SFXN4: variants seen among roughly 807,000 people sequenced by gnomAD.
The protein encoded by SFXN4 is sideroflexin-4.
SFXN4 carries 48 observed loss-of-function variants against 54.6 expected under a neutral mutation model. The ratio of observed to expected loss-of-function variants is 0.88; its 90% CI spans 0.70 to 1.12. The LOEUF (loss-of-function observed/expected upper bound fraction) is 1.12. Among genes scored for constraint, SFXN4 ranks in the 50% most tolerant of loss-of-function variants. The pLI is 0.00. For missense variants in SFXN4, 383 were observed against 409.2 expected, an observed-to-expected ratio of 0.94 and a Z score of 0.55; for synonymous variants, 130 against 145.5, an observed-to-expected ratio of 0.89 and a Z score of 0.77.
Position 119,141,286 on chromosome 10 carries a change from AC to A in SFXN4, c.969del (p.Gln323HisfsTer20), listed in dbSNP as rs749800221. On this transcript the variant is annotated frameshift_variant, in exon 14 of 14. Transcript: ENST00000355697. LOFTEE classifies it high-confidence loss of function. ...AAGATTTCTGTTTCTTCTGTTGGAGACTGAATTTTCTCTTCAAGACTACAGT... is the reference window on the plus strand; with the variant it reads ...AAGATTTCTGTTTCTTCTGTTGGAGATGAATTTTCTCTTCAAGACTACAGT... ...IQYCSLEEKI[Q>X]SPTEETEIFY... 2.5e-6 allele frequency: 4 copies of A among 1,611,404 alleles called. No individual in the cohort carries two copies. Among genetic ancestry groups the A allele is most frequent in the Non-Finnish European group, 3.4e-6 (4 of 1,177,652 alleles).
At chr10:119,163,483 C>T (rs1384588889) in intron 2 of SFXN4, among the ~76,000 whole-genome samples, 3 of 152,070 alleles carry the variant, frequency 2.0e-5, no homozygotes, top group African/African-American at 4.8e-5. Context: ...CTGCAACCTC[C>T]ACCTCCTGGG....
At chr10:119,163,268 T>A (rs1847629028) in intron 2 of SFXN4, among the ~76,000 whole-genome samples, 1 of 152,016 alleles carries the variant, frequency 6.6e-6, no homozygotes, top group Admixed American at 6.6e-5. Flanking sequence ...TTCACTCTTG[T>A]CACCCAGGAT....
chr10:119,151,743 T>G (rs1176406037), intron 11 of SFXN4, among the ~76,000 whole-genome samples: 1 of 152,082 alleles, frequency 6.6e-6, no homozygotes, highest in Non-Finnish European at 1.5e-5. Flanking sequence ...CTCAAACTCC[T>G]GACCTCAGGT....
At chr10:119,159,418 G>C (rs558286454) in intron 6 of SFXN4, among the ~76,000 whole-genome samples, 2 of 152,336 alleles carry the variant, frequency 1.3e-5, no homozygotes, top group South Asian at 4.1e-4. Flanking sequence ...TGTGCAGGGA[G>C]CTCATCCTAA....
intron 10 of SFXN4, among the ~76,000 whole-genome samples, chr10:119,155,457 C>T (rs1237999750): frequency 3.3e-5 from 5 of 152,132 alleles, no homozygotes; most frequent in African/African-American, 1.2e-4. Flanking sequence ...TAGGAGAAAC[C>T]CTGGGATCTT....
intron 13 of SFXN4, among the ~76,000 whole-genome samples, chr10:119,142,748 T>TTTA (rs1846595452): frequency 8.8e-6 from 1 of 113,328 alleles, no homozygotes; most frequent in Non-Finnish European, 1.8e-5. Context: ...TTTTTTTTTT[T>TTTA]TGATATGGAG....
chr10:119,144,382 G>A (rs1050149491), intron 13 of SFXN4, among the ~76,000 whole-genome samples: 2 of 152,040 alleles, frequency 1.3e-5, no homozygotes, highest in Admixed American at 6.6e-5. Context: ...GCATGAACCC[G>A]AGAGGTGGAG....
intron 5 of SFXN4, among the ~76,000 whole-genome samples, chr10:119,160,481 A>G (rs1198675796): frequency 6.8e-6 from 1 of 146,614 alleles, no homozygotes; most frequent in Admixed American, 7.0e-5. Flanking sequence ...GTGCCACTGA[A>G]CTCCAGCCTA....
rs190686817 is a variant in SFXN4 at position 119,143,865 on chromosome 10, G to A, written c.936+2371C>T. Among the ~76,000 whole-genome samples, 699 of 152,150 alleles carry A rather than the reference G, an allele frequency of 4.6e-3. 5 individuals carry two copies. Among genetic ancestry groups the A allele is most frequent in the Middle Eastern group, 0.01 (3 of 294 alleles). On this transcript the variant is annotated intron_variant, in intron 13 of 13. Coordinates refer to ENST00000355697, the MANE Select transcript of SFXN4 (RefSeq NM_213649.2). The stretch of plus-strand genomic sequence containing the variant: ...TCCTGGCCTCAAGCAATCTTCCCAC[G>A]TTGGTCTCCCAAAGTGTTGGAATTA...
At chr10:119,164,243 T>C in intron 1 of SFXN4, 47 bp from the exon 2 acceptor site, 1 of 1,074,280 alleles carries the variant, frequency 9.3e-7, no homozygotes, top group Non-Finnish European at 1.4e-6. Context: ...AGCAGAAAAA[T>C]AAAGATATAA....
intron 10 of SFXN4, among the ~76,000 whole-genome samples, chr10:119,155,408 G>A (rs1486828794): frequency 6.6e-6 from 1 of 152,176 alleles, no homozygotes; most frequent in Non-Finnish European, 1.5e-5. Flanking sequence ...ACCACAGCCT[G>A]GGACCAGCTT....
In SFXN4 at chr10:119,146,373, GC is replaced by G. The variant is rs1211427238; in HGVS notation, c.819-21del. The G allele has an allele frequency of 7.0e-7, 1 of 1,431,580 alleles. No individual in the cohort carries two copies. The highest frequency in any genetic ancestry group is 9.8e-7 in the Non-Finnish European group (1 of 1,017,148). 88.7% of individuals were successfully genotyped at this position (1,431,580 alleles called of 1,614,324 possible). ...TGGGTCCTGTAAGAGACAAGGCATG[GC>G]TCACAAGTGATGTTAAACTATCAGG... On this transcript the variant is annotated intron_variant, in intron 12 of 13. Coordinates refer to ENST00000355697, the MANE Select transcript of SFXN4 (RefSeq NM_213649.2).
intron 11 of SFXN4, among the ~76,000 whole-genome samples, chr10:119,148,911 G>C (rs958616544): frequency 2.6e-5 from 4 of 152,010 alleles, no homozygotes; most frequent in Non-Finnish European, 5.9e-5. Flanking sequence ...TTTAGAGACA[G>C]GGTCTCACTC....
rs570550908 is a variant in SFXN4, at chr10:119,165,617, G to A, written c.31C>T (p.Pro11Ser). MSLEQEEETQ[P>S]GRLLGRRDAV... ...TCTCTGCGTCCTAGGAGCCGCCCAG[G>A]TTGCGTTTCCTCCTCCTGTTCCAGG... Residue 11 changes from proline to serine, a missense_variant, in exon 1 of 14, where the codon CCT becomes TCT. Physicochemically the swap from Pro to Ser is moderately conservative, Grantham distance 74. Transcript: ENST00000355697. The A allele has an allele frequency of 6.3e-7, 1 of 1,592,864 alleles. No individual in the cohort carries two copies. The highest frequency in any genetic ancestry group is 8.5e-7 in the Non-Finnish European group (1 of 1,171,674).
chr10:119,161,437 C>CAAAAAAAAAAAAAAAAAAAAACAAA (rs1554888747), intron 3 of SFXN4, among the ~76,000 whole-genome samples: 1 of 119,838 alleles, frequency 8.3e-6, no homozygotes, highest in Admixed American at 9.1e-5. Flanking sequence ...CAAAAAAAAA[C>CAAAAAAAAAAAAAAAAAAAAACAAA]AAAAAAAAAA....
chr10:119,158,845 T>C (rs771399449), intron 6 of SFXN4, among the ~76,000 whole-genome samples: 24 of 152,186 alleles, frequency 1.6e-4, no homozygotes, highest in Non-Finnish European at 2.9e-4. Context: ...TAGCCTGCCA[T>C]GGTGGCAAGT....
Position 119,158,131 on chromosome 10 carries a change from C to A in SFXN4, c.361-69G>T, listed in dbSNP as rs373898104. On this transcript the variant is annotated intron_variant, in intron 6 of 13. Transcript: ENST00000355697. ...AAGGAGAACTTGCAGTAGCAAAGAA[C>A]TTTCCAGGGGAGAGGGAGAATTGAG... is the stretch of plus-strand genomic sequence containing the variant. 56 of 1,442,710 alleles carry A rather than the reference C, an allele frequency of 3.9e-5. No homozygotes were observed. The East Asian group carries it at 7.7e-4, about 20-fold the overall frequency. The allele number at this position is 1,442,710 out of a possible 1,614,324, so 89.4% of individuals were successfully genotyped here.
At chr10:119,158,855 T>C (rs777345035) in intron 6 of SFXN4, among the ~76,000 whole-genome samples, 7 of 152,144 alleles carry the variant, frequency 4.6e-5, no homozygotes, top group Non-Finnish European at 7.3e-5. Context: ...TGGTGGCAAG[T>C]ACTTGTATTC....
chr10:119,141,904 G>A (rs1386417746), intron 13 of SFXN4, among the ~76,000 whole-genome samples: 3 of 152,084 alleles, frequency 2.0e-5, no homozygotes, highest in African/African-American at 7.2e-5. Context: ...TGTAATCCCA[G>A]CTACTCCAGT....
Sources: gnomAD v4.1 joint callset for allele counts (sites outside exome capture counted in the v4.1 genomes callset) on GRCh38, gnomAD v4.1.1 for gene constraint, MANE v1.5 for transcripts, NCBI Gene and HGNC (gene_info 2026-07-23, HGNC 2026-07-21) for gene names.